Variants in TMEM18 observed in about 807,000 individuals in gnomAD.
TMEM18 encodes transmembrane protein 18.
A neutral mutation model predicts 17.4 loss-of-function variants in TMEM18; 14 were observed. That is an observed-to-expected ratio of 0.80 (90% confidence interval 0.53 to 1.25). The LOEUF (loss-of-function observed/expected upper bound fraction) is 1.25, where lower values mean the gene tolerates loss of function less well. TMEM18 is among the 50% of genes most tolerant of loss of function. The pLI is 0.00. For missense variants in TMEM18, 187 were observed against 172.1 expected (o/e 1.09, Z -0.48); for synonymous variants, 86 against 66.1 (o/e 1.30, Z -1.46).
chr2:676,788 C>T, intron 1 of TMEM18: 1 of 774,996 alleles, frequency 1.3e-6, no homozygotes, highest in Non-Finnish European at 2.0e-6. Flanking sequence ...GCCGCACTGC[C>T]AGAATCCGCC....
intron 2 of TMEM18, among the ~76,000 whole-genome samples, chr2:673,511 C>T (rs1678913378): frequency 6.6e-6 from 1 of 152,114 alleles, no homozygotes; most frequent in Non-Finnish European, 1.5e-5. Context: ...CCCATGGTAC[C>T]ATAAAATCAA....
At chr2:675,247 A>G (rs989162184) in intron 2 of TMEM18, among the ~76,000 whole-genome samples, 2 of 151,966 alleles carry the variant, frequency 1.3e-5, no homozygotes, top group Non-Finnish European at 2.9e-5. Context: ...CGGAAACCCA[A>G]CTCTCCTGTG....
At position 665,687 on chromosome 2, in the gene TMEM18, CAGAT is replaced by C. The variant is rs764579038; in HGVS notation, c.*3889_*3892del. 0.029 allele frequency among the ~76,000 whole-genome samples: 2,387 copies of C among 83,604 alleles called. No individual in the cohort carries two copies. Among genetic ancestry groups the C allele is most frequent in the South Asian group, 0.037 (95 of 2,582 alleles). 54.8% of individuals were successfully genotyped at this position (83,604 alleles called of 152,430 possible). Reference sequence around the variant, plus strand: ...CAGAGATGCAGATGCCCCACTCACTCAGATAGAGAATCAACCCTACATACAACAG... The same window carrying C: ...CAGAGATGCAGATGCCCCACTCACTCAGAGAATCAACCCTACATACAACAG... On this transcript the variant is annotated 3_prime_UTR_variant, in exon 5 of 5. Coordinates refer to ENST00000281017, the MANE Select transcript of TMEM18 (RefSeq NM_152834.4).
chr2:677,217 G>A, intron 1 of TMEM18, 72 bp downstream of exon 1: 3 of 1,544,256 alleles, frequency 1.9e-6, no homozygotes, highest in East Asian at 2.3e-5. Flanking sequence ...CAGGCCGGGT[G>A]CTCTGTGGGG....
At position 669,830 on chromosome 2, in the gene TMEM18, T is replaced by C; in HGVS notation, c.254A>G (p.Tyr85Cys). Reference sequence around the variant, plus strand: ...AATGAACATCCCCCTGGAGTCGAAATACTGGTATTTCGAAAATAATCTGTT... The same window carrying C: ...AATGAACATCCCCCTGGAGTCGAAACACTGGTATTTCGAAAATAATCTGTT... ...MNWRLFSKYQYFDSRGMFISI... is the reference protein window; with the variant it reads ...MNWRLFSKYQCFDSRGMFISI... The change falls in exon 4 of 5, where the codon TAT becomes TGT. Residue 85 changes from tyrosine to cysteine, a missense_variant. By Grantham distance (194) the Tyr-to-Cys change is radical. Coordinates refer to ENST00000281017, the MANE Select transcript of TMEM18 (RefSeq NM_152834.4). 6.2e-7 allele frequency: 1 copy of C among 1,612,242 alleles called. No homozygotes were observed. The highest frequency in any genetic ancestry group is 8.5e-7 in the Non-Finnish European group (1 of 1,179,666).
chr2:669,800 A>C lies in TMEM18; in HGVS notation c.284T>G (p.Ile95Arg). ...YFDSRGMFIS[I>R]VFSAPLLVNA... ...CACCAGCAGTGGGGCTGAAAATACT[A>C]TAGAAATGAACATCCCCCTGGAGTC... Residue 95 changes from isoleucine to arginine, a missense_variant, in exon 4 of 5, where the codon ATA becomes AGA. Physicochemically the swap from Ile to Arg is moderately conservative, Grantham distance 97 (BLOSUM62 -3). Transcript: ENST00000281017. The C allele has an allele frequency of 6.2e-7, 1 of 1,614,028 alleles. No homozygotes were observed. The highest frequency in any genetic ancestry group is 8.5e-7 in the Non-Finnish European group (1 of 1,180,008).
At position 666,839 on chromosome 2, in the gene TMEM18, T is replaced by G. The variant is rs1241748348; in HGVS notation, c.*2741A>C. On this transcript the variant is annotated 3_prime_UTR_variant, in exon 5 of 5. Coordinates refer to ENST00000281017, the MANE Select transcript of TMEM18 (RefSeq NM_152834.4). ...TGAAAACATGTTCTGGTTAACTTGGTGAAAGAAGAAGGGTGCTCCACTGAA... is the reference window on the plus strand; with the variant it reads ...TGAAAACATGTTCTGGTTAACTTGGGGAAAGAAGAAGGGTGCTCCACTGAA... 6.6e-6 allele frequency among the ~76,000 whole-genome samples: 1 copy of G among 152,066 alleles called. No homozygotes were observed. Among genetic ancestry groups the G allele is most frequent in the Non-Finnish European group, 1.5e-5 (1 of 68,010 alleles).
chr2:665,107 G>T lies in TMEM18; in HGVS notation c.*4473C>A, dbSNP rs1363596917. The stretch of plus-strand genomic sequence containing the variant: ...CAGAGGAAAGACCAGCACATGGAGG[G>T]CCAAGCTGTGAGTGAGTTGGGCTTA... On this transcript the variant is annotated 3_prime_UTR_variant, in exon 5 of 5. Coordinates refer to ENST00000281017, the MANE Select transcript of TMEM18 (RefSeq NM_152834.4). 1.3e-5 allele frequency among the ~76,000 whole-genome samples: 2 copies of T among 152,182 alleles called. No homozygotes were observed. The highest frequency in any genetic ancestry group is 4.8e-5 in the African/African-American group (2 of 41,436).
At position 669,231 on chromosome 2, in the gene TMEM18, TTGAG is replaced by T. The variant is rs770539777; in HGVS notation, c.*345_*348del. On this transcript the variant is annotated 3_prime_UTR_variant, in exon 5 of 5. Coordinates refer to ENST00000281017, the MANE Select transcript of TMEM18 (RefSeq NM_152834.4). ...CATGTACAGGTGGCACTGTTTATTA[TTGAG>T]TTTCATATTTTATATTGTGTATTTT... The T allele has an allele frequency of 4.3e-5, 9 of 211,662 alleles. No homozygotes were observed. The highest frequency in any genetic ancestry group is 6.9e-5 in the African/African-American group (3 of 43,186). 13.1% of individuals were successfully genotyped at this position (211,662 alleles called of 1,614,324 possible).
chr2:670,137 A>G (rs1678804172), intron 3 of TMEM18: 1 of 374,606 alleles, frequency 2.7e-6, no homozygotes, highest in Non-Finnish European at 4.8e-6. Flanking sequence ...TCACCCTGCA[A>G]GCCCTCTGGG....
intron 1 of TMEM18, chr2:676,178 T>C: frequency 1.5e-6 from 2 of 1,344,756 alleles, no homozygotes; most frequent in Non-Finnish European, 2.0e-6. Context: ...TGCAATACAC[T>C]GAACTCTCCA....
chr2:674,977 CTCTTT>C (rs1403324011), intron 2 of TMEM18, among the ~76,000 whole-genome samples: 1 of 152,246 alleles, frequency 6.6e-6, no homozygotes, highest in Non-Finnish European at 1.5e-5. Flanking sequence ...CCTGCTCCCT[CTCTTT>C]TCTTATTAAC....
chr2:676,896 A>C (rs1442635509), intron 1 of TMEM18: 1 of 573,308 alleles, frequency 1.7e-6, no homozygotes, highest in Non-Finnish European at 3.1e-6. Flanking sequence ...CACACAACTC[A>C]GCCACGCCCG....
chr2:664,667 T>C lies in TMEM18; in HGVS notation c.*4913A>G, dbSNP rs1678630948. On this transcript the variant is annotated 3_prime_UTR_variant, in exon 5 of 5. Transcript: ENST00000281017. ...TTTCAGGAAATATGTACAACCAATATTGGCATATGCTTTCTGAAAATTGAT... is the reference window on the plus strand; with the variant it reads ...TTTCAGGAAATATGTACAACCAATACTGGCATATGCTTTCTGAAAATTGAT... 6.6e-6 allele frequency among the ~76,000 whole-genome samples: 1 copy of C among 152,374 alleles called. No homozygotes were observed. Among genetic ancestry groups the C allele is most frequent in the Admixed American group, 6.5e-5 (1 of 15,306 alleles).
chr2:672,718 ACT>A, intron 3 of TMEM18, 88 bp downstream of exon 3: 1 of 1,222,624 alleles, frequency 8.2e-7, no homozygotes, highest in East Asian at 2.9e-5. Context: ...GTTAGGATTC[ACT>A]GTCTCCTCCG....
At position 668,551 on chromosome 2, in the gene TMEM18, T is replaced by C. The variant is rs1178346894; in HGVS notation, c.*1029A>G. ...CAATTACATTTTGAATTGGTAACTT[T>C]CAGAAATGCACAATTAGGCATGCTA... On this transcript the variant is annotated 3_prime_UTR_variant, in exon 5 of 5. Transcript: ENST00000281017. 1 of 152,248 alleles carries C rather than the reference T, an allele frequency of 6.6e-6. No individual in the cohort carries two copies. The highest frequency in any genetic ancestry group is 6.5e-5 in the Admixed American group (1 of 15,284). The allele number at this position is 152,248 out of a possible 1,614,324, so 9.4% of individuals were successfully genotyped here.
rs759602383 is a variant in TMEM18, at chr2:669,753, G to A, written c.327+4C>T. On this transcript the variant is annotated splice_donor_region_variant and intron_variant, in intron 4 of 4. Coordinates refer to ENST00000281017, the MANE Select transcript of TMEM18 (RefSeq NM_152834.4). ...AAAGACAACTGAAAGTGTCATCTACGTACCACAATGATCATGGCATTCACC... is the reference window on the plus strand; with the variant it reads ...AAAGACAACTGAAAGTGTCATCTACATACCACAATGATCATGGCATTCACC... 6.2e-6 allele frequency: 10 copies of A among 1,613,732 alleles called. No homozygotes were observed. In the East Asian group the frequency reaches 1.1e-4, roughly 18 times the overall value.
rs750192373 is a variant in TMEM18, at chr2:669,846, A to G, written c.238T>C (p.Phe80Leu). Reference protein sequence around the residue: ...NEAAAMNWRLFSKYQYFDSRG... With the variant: ...NEAAAMNWRLLSKYQYFDSRG... ...GAGTCGAAATACTGGTATTTCGAAAATAATCTGTTTAAAAAACAAAAACAA... is the reference window on the plus strand; with the variant it reads ...GAGTCGAAATACTGGTATTTCGAAAGTAATCTGTTTAAAAAACAAAAACAA... The change falls in exon 4 of 5, where the codon TTT becomes CTT. Residue 80 changes from phenylalanine to leucine, a missense_variant. Transcript: ENST00000281017. 1.1e-5 allele frequency: 17 copies of G among 1,610,268 alleles called. No individual in the cohort carries two copies. The South Asian group carries it at 1.3e-4, about 13-fold the overall frequency.
chr2:676,665 C>T, intron 1 of TMEM18: 1 of 1,547,072 alleles, frequency 6.5e-7, no homozygotes. Context: ...CCACGTGGGG[C>T]GTGGGCTCCC....
Sources: gnomAD v4.1 joint callset for allele counts (sites outside exome capture counted in the v4.1 genomes callset) on GRCh38, gnomAD v4.1.1 for gene constraint, MANE v1.5 for transcripts, NCBI Gene and HGNC (gene_info 2026-07-23, HGNC 2026-07-21) for gene names.